ATP5F1E: variants seen among roughly 807,000 people sequenced by gnomAD.
ATP5F1E encodes the protein ATP synthase F(1) complex subunit epsilon, mitochondrial.
In ATP5F1E, 5 loss-of-function variants were observed where a neutral mutation model predicts 7.0. That is an observed-to-expected ratio of 0.71 (90% CI 0.37 to 1.49). ATP5F1E has a LOEUF of 1.49. Ranked by LOEUF, ATP5F1E falls within the 40% of genes most tolerant of loss-of-function variation. ATP5F1E has a pLI of 0.03. For synonymous variants in ATP5F1E, 20 were observed against 20.1 expected, an observed-to-expected ratio of 0.99 and a Z score of 0.02; for missense variants, 59 against 57.1, an observed-to-expected ratio of 1.03 and a Z score of -0.11.
At position 59,027,036 on chromosome 20, in the gene ATP5F1E, TTTA is replaced by T. The variant is rs2091998411; in HGVS notation, c.*1806_*1808del. ...ACCCAGCACTGCTGGAGGCAGGAAG[TTTA>T]TTATACTACTGGTTTAGGATTTTTT... On this transcript the variant is annotated 3_prime_UTR_variant, in exon 3 of 3. Transcript: ENST00000243997. 1 of 152,138 alleles carries T rather than the reference TTTA, an allele frequency of 6.6e-6. No homozygotes were observed. The highest frequency in any genetic ancestry group is 2.1e-4 in the South Asian group (1 of 4,812). 9.4% of individuals were successfully genotyped at this position (152,138 alleles called of 1,614,324 possible).
rs888664651 is a variant in ATP5F1E, at chr20:59,032,267, G to A, written c.-16C>T. The A allele has an allele frequency of 4.4e-6, 7 of 1,599,264 alleles. No individual in the cohort carries two copies. The highest frequency in any genetic ancestry group is 3.4e-5 in the Admixed American group (2 of 58,058). ...AGGCCACCATGCTGTAGCGAAAGCG[G>A]AGCTCGTCGGGCCGAATCGCCAAGA... On this transcript the variant is annotated 5_prime_UTR_variant, in exon 1 of 3. Transcript: ENST00000243997.
At chr20:59,032,179 G>A in intron 1 of ATP5F1E, 41 bp downstream of exon 1, 2 of 1,552,158 alleles carry the variant, frequency 1.3e-6, no homozygotes, top group Non-Finnish European at 8.7e-7. Context: ...ATGCGCGCGG[G>A]CCGGCTCGCG....
At chr20:59,031,819 G>A (rs373750181) in intron 1 of ATP5F1E, among the ~76,000 whole-genome samples, 1 of 152,262 alleles carries the variant, frequency 6.6e-6, no homozygotes, top group South Asian at 2.1e-4. Context: ...GCTAACGGCG[G>A]TCACGTGGAG....
At chr20:59,030,559 T>A in intron 1 of ATP5F1E, 130 bp from the exon 2 acceptor site, 2 of 1,190,372 alleles carry the variant, frequency 1.7e-6, no homozygotes, top group Non-Finnish European at 2.4e-6. Context: ...GAATTGGATT[T>A]AAAAATATGA....
Position 59,026,265 on chromosome 20 carries a change from T to G in ATP5F1E, c.*2580A>C, listed in dbSNP as rs1231867625. ...CTTGCCATCGGATCATCAACAAGTC[T>G]TCTATTTACAAACTTCAAAAAACAC... On this transcript the variant is annotated 3_prime_UTR_variant, in exon 3 of 3. Transcript: ENST00000243997. The G allele has an allele frequency of 6.6e-6, 1 of 152,246 alleles. No individual in the cohort carries two copies. The highest frequency in any genetic ancestry group is 1.5e-5 in the Non-Finnish European group (1 of 68,042). 9.4% of individuals were successfully genotyped at this position (152,246 alleles called of 1,614,324 possible). A position where few individuals can be genotyped will look rare whatever the true frequency, so the allele number is the denominator to read the frequency against.
At position 59,028,145 on chromosome 20, in the gene ATP5F1E, T is replaced by A. The variant is rs1042111404; in HGVS notation, c.*700A>T. 1.3e-5 allele frequency: 2 copies of A among 152,234 alleles called. No homozygotes were observed. Among genetic ancestry groups the A allele is most frequent in the African/African-American group, 4.8e-5 (2 of 41,462 alleles). The allele number at this position is 152,234 out of a possible 1,614,324, so 9.4% of individuals were successfully genotyped here. ...CTGTTGTGGTCACCGTGTCCCAGAC[T>A]TGCAGTCAAAACTCCTAGGTTTTAA... On this transcript the variant is annotated 3_prime_UTR_variant, in exon 3 of 3. Transcript: ENST00000243997.
rs1408838451 is a variant in ATP5F1E, at chr20:59,025,688, C to T, written c.*3157G>A. The T allele has an allele frequency of 6.6e-6, 1 of 152,246 alleles. No individual in the cohort carries two copies. The highest frequency in any genetic ancestry group is 1.5e-5 in the Non-Finnish European group (1 of 68,044). The allele number at this position is 152,246 out of a possible 1,614,324, so 9.4% of individuals were successfully genotyped here. ...TCTCTGCTCTTTGAGAAAGGGCACA[C>T]CATGCGCTCGGCAACCATTCAAATG... is the stretch of plus-strand genomic sequence containing the variant. On this transcript the variant is annotated 3_prime_UTR_variant, in exon 3 of 3. Transcript: ENST00000243997.
intron 1 of ATP5F1E, 43 bp downstream of exon 1, chr20:59,032,177 G>T: frequency 4.5e-6 from 7 of 1,551,788 alleles, no homozygotes; most frequent in Non-Finnish European, 6.1e-6. Flanking sequence ...GGATGCGCGC[G>T]GGCCGGCTCG....
chr20:59,029,791 G>A (rs540660688), intron 2 of ATP5F1E: 44 of 171,276 alleles, frequency 2.6e-4, no homozygotes, highest in Admixed American at 6.8e-4. Context: ...TATTCGCTGC[G>A]GGGTCTTGCA....
At position 59,030,320 on chromosome 20, in the gene ATP5F1E, C is replaced by T. The variant is rs1601243650; in HGVS notation, c.142G>A (p.Val48Ile). 6.2e-7 allele frequency: 1 copy of T among 1,613,704 alleles called. No homozygotes were observed. Among genetic ancestry groups the T allele is most frequent in the South Asian group, 1.1e-5 (1 of 91,080 alleles). The change falls in exon 2 of 3, where the codon GTA becomes ATA. Residue 48 changes from valine to isoleucine, a missense_variant. Transcript: ENST00000243997. Reference sequence around the variant, plus strand: ...TAACTTACAGATTATTCCTTCTTTACTTTCACAATTTTTACGTTGCTGCCA... The same window carrying T: ...TAACTTACAGATTATTCCTTCTTTATTTTCACAATTTTTACGTTGCTGCCA... ...TSGSNVKIVK[V>I]KKE
rs2091993507 is a variant in ATP5F1E, at chr20:59,026,191, C to T, written c.*2654G>A. The T allele has an allele frequency of 6.6e-6, 1 of 152,234 alleles. No homozygotes were observed. The highest frequency in any genetic ancestry group is 2.4e-5 in the African/African-American group (1 of 41,460). 9.4% of individuals were successfully genotyped at this position (152,234 alleles called of 1,614,324 possible). On this transcript the variant is annotated 3_prime_UTR_variant, in exon 3 of 3. Transcript: ENST00000243997. ...ATTCTGAGAAACTTCACTCTTTTCA[C>T]TTATGCATCACGAGGAAATAACTAA...
At chr20:59,032,041 G>T (rs2092035389) in intron 1 of ATP5F1E, among the ~76,000 whole-genome samples, 179 bp downstream of exon 1, 1 of 152,252 alleles carries the variant, frequency 6.6e-6, no homozygotes, top group South Asian at 2.1e-4. Context: ...ACGCGAGGTC[G>T]AGGCCGCGCC....
chr20:59,029,702 T>C (rs780272931), intron 2 of ATP5F1E: 1 of 160,242 alleles, frequency 6.2e-6, no homozygotes, highest in African/African-American at 2.4e-5. Flanking sequence ...TTCACGAGAA[T>C]TTAACTTTAC....
In ATP5F1E at chr20:59,028,497, C is replaced by T. The variant is rs1158647305; in HGVS notation, c.*348G>A. The T allele has an allele frequency of 6.6e-6, 1 of 152,588 alleles. No homozygotes were observed. The highest frequency in any genetic ancestry group is 1.5e-5 in the Non-Finnish European group (1 of 68,030). The allele number at this position is 152,588 out of a possible 1,614,324, so 9.5% of individuals were successfully genotyped here. ...AATGACAGCAGATAATTTTGATCAC[C>T]AATTAATGTCATGAAACAACTATTT... On this transcript the variant is annotated 3_prime_UTR_variant, in exon 3 of 3. Coordinates refer to ENST00000243997, the MANE Select transcript of ATP5F1E (RefSeq NM_006886.4).
rs1601245552 is a variant in ATP5F1E, at chr20:59,032,101, G to A, written c.32+119C>T. Reference sequence around the variant, plus strand: ...ACGCCATCTTGGCGGCGACGCCCGAGGCTTGGCCCAACCCCGGTCACGCGT... The same window carrying A: ...ACGCCATCTTGGCGGCGACGCCCGAAGCTTGGCCCAACCCCGGTCACGCGT... On this transcript the variant is annotated intron_variant, in intron 1 of 2. Transcript: ENST00000243997. 8 of 1,417,890 alleles carry A rather than the reference G, an allele frequency of 5.6e-6. No homozygotes were observed. In the East Asian group the frequency reaches 1.3e-4, roughly 22 times the overall value. 87.8% of individuals were successfully genotyped at this position (1,417,890 alleles called of 1,614,324 possible).
chr20:59,030,802 CGATTTCTCTCCTT>C (rs2146383657), intron 1 of ATP5F1E, among the ~76,000 whole-genome samples: 1 of 152,280 alleles, frequency 6.6e-6, no homozygotes, highest in East Asian at 1.9e-4. Flanking sequence ...ATTCTCTCCT[CGATTTCTCTCCTT>C]AAAACTTTAA....
intron 1 of ATP5F1E, among the ~76,000 whole-genome samples, chr20:59,032,000 G>T (rs1024673716): frequency 2.0e-5 from 3 of 152,252 alleles, no homozygotes; most frequent in Non-Finnish European, 4.4e-5. Context: ...CCGCACCGTC[G>T]GGAAGCGAGG....
In ATP5F1E at chr20:59,031,825, T is replaced by G. The variant is rs375611524; in HGVS notation, c.32+395A>C. ...GTCAAAGCTGCTAACGGCGGTCACG[T>G]GGAGAGAAATCTCCTGTTTCCCGAG... On this transcript the variant is annotated intron_variant, in intron 1 of 2. Transcript: ENST00000243997. Among the ~76,000 whole-genome samples the G allele has an allele frequency of 6.6e-5, 10 of 152,382 alleles. No individual in the cohort carries two copies. The South Asian group carries it at 2.1e-3, about 32-fold the overall frequency.
Position 59,026,109 on chromosome 20 carries a change from G to A in ATP5F1E, c.*2736C>T, listed in dbSNP as rs966028264. The stretch of plus-strand genomic sequence containing the variant: ...GCAGGCAACTGGGTTCTCATCTCTT[G>A]ATTTGCTTTTGTAATCAGCAATAAT... On this transcript the variant is annotated 3_prime_UTR_variant, in exon 3 of 3. Transcript: ENST00000243997. The A allele has an allele frequency of 2.6e-5, 4 of 152,178 alleles. No individual in the cohort carries two copies. The highest frequency in any genetic ancestry group is 9.7e-5 in the African/African-American group (4 of 41,428). 9.4% of individuals were successfully genotyped at this position (152,178 alleles called of 1,614,324 possible).
Sources: allele counts gnomAD v4.1 joint callset (sites outside exome capture counted in the v4.1 genomes callset), GRCh38; gene constraint gnomAD v4.1.1; transcripts MANE v1.5; gene names NCBI Gene and HGNC (gene_info 2026-07-23, HGNC 2026-07-21).